Variants in POU2F1 observed in about 807,000 individuals in gnomAD.
POU2F1 encodes the protein POU domain, class 2, transcription factor 1.
POU2F1 carries 16 observed loss-of-function variants against 84.9 expected under a neutral mutation model. The observed-to-expected ratio is 0.19, with a 90% CI of 0.13 to 0.29. The LOEUF is 0.29. Among genes scored for constraint, POU2F1 ranks in the 10% least tolerant of loss-of-function variants. The pLI is 1.00. For missense variants in POU2F1, 738 were observed against 942.6 expected, an observed-to-expected ratio of 0.78 and a Z score of 2.84; for synonymous variants, 368 against 368.3, an observed-to-expected ratio of 1.00 and a Z score of 0.01.
At chr1:167,380,455 C>G (rs1182890326) in intron 7 of POU2F1, 2 of 152,184 alleles carry the variant, frequency 1.3e-5, no homozygotes, top group East Asian at 3.8e-4. Context: ...TATATAGTTT[C>G]CCTAGAATCA....
In POU2F1 at chr1:167,226,627, T is replaced by A. The variant is rs143408769; in HGVS notation, c.61+5669T>A. Among the ~76,000 whole-genome samples the A allele has an allele frequency of 8.9e-3, 1,352 of 152,262 alleles. 21 individuals carry two copies. The highest frequency in any genetic ancestry group is 0.031 in the African/African-American group (1,270 of 41,552). ...ACTTACTTGATCCGTTTACAGTATG[T>A]TTAGAATTTGGAATATGAGAATTGT... On this transcript the variant is annotated intron_variant, in intron 1 of 15. Coordinates refer to ENST00000367866, the MANE Select transcript of POU2F1 (RefSeq NM_002697.4).
Position 167,358,245 on chromosome 1 carries a change from C to T in POU2F1, c.128-7222C>T, listed in dbSNP as rs151208111. Among the ~76,000 whole-genome samples the T allele has an allele frequency of 6.3e-3, 949 of 150,440 alleles. 7 individuals are homozygous for T. Among genetic ancestry groups the T allele is most frequent in the African/African-American group, 0.022 (899 of 40,916 alleles). ...CCAGGTTCAAGTGATTCTCCTGCCT[C>T]AGACTCCCTAGATCTACCTTAGCCA... is the stretch of plus-strand genomic sequence containing the variant. On this transcript the variant is annotated intron_variant, in intron 2 of 15. Coordinates refer to ENST00000367866, the MANE Select transcript of POU2F1 (RefSeq NM_002697.4).
At chr1:167,276,575 GA>G (rs1193621670) in intron 1 of POU2F1, among the ~76,000 whole-genome samples, 2 of 152,124 alleles carry the variant, frequency 1.3e-5, no homozygotes, top group African/African-American at 4.8e-5. Context: ...AGAAGAGTTT[GA>G]TTTTTTAGGA....
chr1:167,254,910 T>C (rs927866420), intron 1 of POU2F1, among the ~76,000 whole-genome samples: 1 of 152,202 alleles, frequency 6.6e-6, no homozygotes. Flanking sequence ...TTCTACAACA[T>C]TTATTGTTTT....
At chr1:167,404,545 G>A (rs370294440) in intron 13 of POU2F1, among the ~76,000 whole-genome samples, 264 of 152,260 alleles carry the variant, frequency 1.7e-3, no homozygotes, top group African/African-American at 6.1e-3. Context: ...AGAATCCTTA[G>A]CGTTCCATAG....
At chr1:167,364,808 A>T (rs904159389) in intron 2 of POU2F1, among the ~76,000 whole-genome samples, 1 of 151,952 alleles carries the variant, frequency 6.6e-6, no homozygotes, top group Non-Finnish European at 1.5e-5. Flanking sequence ...AGCTCAAGCC[A>T]TCTACCCACC....
Position 167,396,402 on chromosome 1 carries a change from T to G in POU2F1, c.1104T>G (p.Leu368=), listed in dbSNP as rs1198852095. Residue 368 remains leucine, a synonymous_variant, in exon 10 of 16, where the codon CTT becomes CTG. Transcript: ENST00000367866. The part of the protein sequence containing the change: ...SFKNMCKLKP[L]LEKWLNDAEN... Reference sequence around the variant, plus strand: ...AGAACATGTGCAAGTTGAAGCCACTTTTAGAGAAGTGGCTAAATGATGCAG... The same window carrying G: ...AGAACATGTGCAAGTTGAAGCCACTGTTAGAGAAGTGGCTAAATGATGCAG... The G allele has an allele frequency of 2.9e-5, 46 of 1,613,952 alleles. No individual in the cohort carries two copies. Among genetic ancestry groups the G allele is most frequent in the Non-Finnish European group, 3.6e-5 (43 of 1,179,968 alleles).
At chr1:167,228,114 G>A (rs1479372576) in intron 1 of POU2F1, among the ~76,000 whole-genome samples, 1 of 152,172 alleles carries the variant, frequency 6.6e-6, no homozygotes, top group African/African-American at 2.4e-5. Flanking sequence ...AGGGCAAAAA[G>A]AATTTAGAGG....
chr1:167,317,384 C>T (rs539151469), intron 1 of POU2F1, among the ~76,000 whole-genome samples: 2 of 152,270 alleles, frequency 1.3e-5, no homozygotes, highest in East Asian at 1.9e-4. Context: ...CCAGCTCAGT[C>T]GTGGAGACCC....
chr1:167,384,412 A>T (rs1049425803), intron 8 of POU2F1, among the ~76,000 whole-genome samples: 51 of 152,242 alleles, frequency 3.3e-4, no homozygotes, highest in Middle Eastern at 3.4e-3. Context: ...TAATTATATT[A>T]AAAAAATTTA....
intron 8 of POU2F1, among the ~76,000 whole-genome samples, chr1:167,385,104 G>A (rs545947729): frequency 3.9e-5 from 6 of 152,048 alleles, no homozygotes; most frequent in Admixed American, 2.6e-4. Flanking sequence ...CAGTACTTAG[G>A]GGTAAACAAC....
rs376371881 is a variant in POU2F1 at position 167,415,588 on chromosome 1, C to G, written c.2079C>G (p.Ile693Met). The change falls in exon 16 of 16, where the codon ATC becomes ATG. Residue 693 changes from isoleucine (I) to methionine (M), a missense_variant. Ile to Met is a conservative substitution (Grantham distance 10). Transcript: ENST00000367866. ...VFANAGGAPN[I>M]VTAPLFLNPQ... is the part of the protein sequence containing the mutation. Reference sequence around the variant, plus strand: ...CCAATGCGGGAGGAGCCCCCAACATCGTGACTGCCCCTCTGTTCCTGAACC... The same window carrying G: ...CCAATGCGGGAGGAGCCCCCAACATGGTGACTGCCCCTCTGTTCCTGAACC... The G allele has an allele frequency of 1.2e-6, 2 of 1,614,196 alleles. No homozygotes were observed. The highest frequency in any genetic ancestry group is 8.5e-7 in the Non-Finnish European group (1 of 1,180,016).
chr1:167,413,997 A>G (rs1185385004), intron 15 of POU2F1, among the ~76,000 whole-genome samples: 16 of 152,110 alleles, frequency 1.1e-4, no homozygotes, highest in Admixed American at 1.0e-3. Context: ...TAAAAAAAAA[A>G]AAAAAAAATT....
At chr1:167,294,774 C>T (rs565378211) in intron 1 of POU2F1, among the ~76,000 whole-genome samples, 3 of 152,222 alleles carry the variant, frequency 2.0e-5, no homozygotes, top group East Asian at 1.9e-4. Flanking sequence ...AATGCTTATA[C>T]ACTGCTGGTG....
In POU2F1 at chr1:167,362,835, G is replaced by A. The variant is rs137957364; in HGVS notation, c.128-2632G>A. ...CTAGGATGAAGGCAGAATATTGCCT[G>A]TAGAGTCTGATTGAGGAAGTATAGC... On this transcript the variant is annotated intron_variant, in intron 2 of 15. Transcript: ENST00000367866. Among the ~76,000 whole-genome samples the A allele has an allele frequency of 3.3e-5, 5 of 152,274 alleles. No individual in the cohort carries two copies. The East Asian group carries it at 9.7e-4, about 29-fold the overall frequency.
At chr1:167,281,189 C>T (rs185405963) in intron 1 of POU2F1, among the ~76,000 whole-genome samples, 80 of 152,230 alleles carry the variant, frequency 5.3e-4, no homozygotes, top group African/African-American at 1.9e-3. Flanking sequence ...TGGGTATTGA[C>T]GAAAGAGTCA....
intron 1 of POU2F1, among the ~76,000 whole-genome samples, chr1:167,317,782 A>C (rs994620183): frequency 2.0e-5 from 3 of 152,152 alleles, no homozygotes; most frequent in Non-Finnish European, 4.4e-5. Context: ...AGTGCTGCAG[A>C]GATTTTGTTG....
intron 13 of POU2F1, among the ~76,000 whole-genome samples, chr1:167,403,722 G>C (rs1264156053): frequency 6.6e-6 from 1 of 152,088 alleles, no homozygotes; most frequent in East Asian, 1.9e-4. Context: ...TTCTATGATT[G>C]CTTATTTTAA....
intron 10 of POU2F1, chr1:167,396,831 T>G (rs1648844218): frequency 6.5e-6 from 1 of 155,004 alleles, no homozygotes; most frequent in East Asian, 1.9e-4. Flanking sequence ...TTTTGTTATT[T>G]CAAATGACCA....
Sources: allele counts gnomAD v4.1 joint callset (sites outside exome capture counted in the v4.1 genomes callset), GRCh38; gene constraint gnomAD v4.1.1; transcripts MANE v1.5; gene names NCBI Gene and HGNC (gene_info 2026-07-23, HGNC 2026-07-21).